Variants in L3MBTL1 observed in about 807,000 individuals in gnomAD.
The protein encoded by L3MBTL1 is L3MBTL histone methyl-lysine binding protein 1, also known as lethal(3)malignant brain tumor-like protein 1.
A neutral mutation model predicts 105.3 loss-of-function variants in L3MBTL1; 75 were observed. The ratio of observed to expected loss-of-function variants is 0.71; its 90% CI spans 0.59 to 0.86. The LOEUF is 0.86. L3MBTL1 is among the 40% of genes least tolerant of loss of function. The pLI, the probability that L3MBTL1 is intolerant of heterozygous loss-of-function variation, is 0.00. For synonymous variants in L3MBTL1, 452 were observed against 436.2 expected (o/e 1.04, Z -0.45); for missense variants, 1,069 against 1,126.4 (o/e 0.95, Z 0.73).
chr20:43,509,552 C>G (rs760201885), intron 1 of L3MBTL1, among the ~76,000 whole-genome samples: 2 of 152,176 alleles, frequency 1.3e-5, no homozygotes. Context: ...TAAATGCCAT[C>G]TACACATGCT....
rs755543410 is a variant in L3MBTL1, at chr20:43,529,356, C to T, written c.1044C>T (p.Leu348=). Residue 348 remains leucine, a synonymous_variant, in exon 9 of 22, where the codon CTC becomes CTT. Coordinates refer to ENST00000418998, the MANE Select transcript of L3MBTL1 (RefSeq NM_001377303.1). ...DPQHPSMYFI[L]TVAEVCGYRL... is the part of the protein sequence containing the mutation. ...AACACCCGTCCATGTACTTCATCCTCACCGTGGCTGAGGTGAGCTGGGGCT... is the reference window on the plus strand; with the variant it reads ...AACACCCGTCCATGTACTTCATCCTTACCGTGGCTGAGGTGAGCTGGGGCT... 5 of 1,611,192 alleles carry T rather than the reference C, an allele frequency of 3.1e-6. No individual in the cohort carries two copies. The East Asian group carries it at 1.1e-4, about 36-fold the overall frequency.
chr20:43,538,034 A>G (rs2019719455), intron 19 of L3MBTL1, among the ~76,000 whole-genome samples: 2 of 152,168 alleles, frequency 1.3e-5, no homozygotes, highest in African/African-American at 4.8e-5. Flanking sequence ...GCTCCCTGCC[A>G]GTATTATTAG....
intron 11 of L3MBTL1, 97 bp downstream of exon 11, chr20:43,530,986 G>A: frequency 1.0e-6 from 1 of 969,870 alleles, no homozygotes; most frequent in South Asian, 1.6e-5. Context: ...GAGCTCATGT[G>A]CTGGTTCTCT....
At position 43,536,084 on chromosome 20, in the gene L3MBTL1, T is replaced by C. The variant is rs377245895; in HGVS notation, c.1926-13T>C. On this transcript the variant is annotated splice_polypyrimidine_tract_variant and intron_variant, in intron 17 of 21. Coordinates refer to ENST00000418998, the MANE Select transcript of L3MBTL1 (RefSeq NM_001377303.1). ...CAGTGGATTAAACCCAACTGAAGTC[T>C]CTTCTTCCCCAGGAAGTGCCCCACT... 6.2e-7 allele frequency: 1 copy of C among 1,612,406 alleles called. No individual in the cohort carries two copies. Among genetic ancestry groups the C allele is most frequent in the Admixed American group, 1.7e-5 (1 of 59,990 alleles).
chr20:43,547,964 C>G, intron 18 of L3MBTL1: 1 of 362,602 alleles, frequency 2.8e-6, no homozygotes, highest in Non-Finnish European at 5.0e-6. Flanking sequence ...TTTCTCTCCC[C>G]TTCTCTCCTC....
At position 43,525,481 on chromosome 20, in the gene L3MBTL1, A is replaced by G. The variant is rs554573342; in HGVS notation, c.863-3176A>G. On this transcript the variant is annotated intron_variant, in intron 7 of 21. Coordinates refer to ENST00000418998, the MANE Select transcript of L3MBTL1 (RefSeq NM_001377303.1). ...AGTAGACTCAGCCACTTGGCTTGGC[A>G]GAAAGCCCAGGATGGATTTTAGCCC... Among the ~76,000 whole-genome samples, 13 of 152,334 alleles carry G rather than the reference A, an allele frequency of 8.5e-5. No individual in the cohort carries two copies. The South Asian group carries it at 2.3e-3, about 27-fold the overall frequency.
At chr20:43,540,564 C>T (rs1176640411) in intron 20 of L3MBTL1, among the ~76,000 whole-genome samples, 189 bp from the exon 21 acceptor site, 3 of 152,150 alleles carry the variant, frequency 2.0e-5, no homozygotes, top group Non-Finnish European at 4.4e-5. Flanking sequence ...AGGCAGGCTT[C>T]GGTCCCAGGC....
chr20:43,543,713 G>C (rs545197909), downstream of L3MBTL1, among the ~76,000 whole-genome samples: 5 of 152,316 alleles, frequency 3.3e-5, no homozygotes, highest in Admixed American at 6.5e-5. Context: ...CACCAGTCAA[G>C]ATGCTCTCCA....
rs539492315 is a variant in L3MBTL1 at position 43,512,342 on chromosome 20, TC to T, written c.-28-1132del. On this transcript the variant is annotated intron_variant, in intron 1 of 21. Coordinates refer to ENST00000418998, the MANE Select transcript of L3MBTL1 (RefSeq NM_001377303.1). ...TTTTAATACGTCTAAAGCTGTGCTG[TC>T]CAATACAATAGTCATAGCTACTGTC... is the stretch of plus-strand genomic sequence containing the variant. Among the ~76,000 whole-genome samples the T allele has an allele frequency of 5.3e-4, 81 of 152,278 alleles. 1 individual carries two copies. The highest frequency in any genetic ancestry group is 1.9e-3 in the African/African-American group (78 of 41,546).
chr20:43,536,281 C>T lies in L3MBTL1; in HGVS notation c.2110C>T (p.Arg704Cys), dbSNP rs1437229119. The change falls in exon 18 of 22, where the codon CGC becomes TGC. Residue 704 changes from arginine (R) to cysteine (C), a missense_variant. By Grantham distance (180) the Arg-to-Cys change is radical. Coordinates refer to ENST00000418998, the MANE Select transcript of L3MBTL1 (RefSeq NM_001377303.1). ...LSGFSPRKKP[R>C]HHGRIGRPPK... ...AGGCTTCTCCCCAAGGAAGAAGCCT[C>T]GCCATCACGGCCGGTATGGAGGCCA... The T allele has an allele frequency of 7.4e-6, 12 of 1,612,500 alleles. No homozygotes were observed. Among genetic ancestry groups the T allele is most frequent in the African/African-American group, 1.3e-5 (1 of 74,906 alleles).
At chr20:43,522,457 GTTTTTT>G (rs1176856356) in intron 7 of L3MBTL1, among the ~76,000 whole-genome samples, 50 of 95,872 alleles carry the variant, frequency 5.2e-4, no homozygotes, top group African/African-American at 9.8e-4. Flanking sequence ...TCCCTGCTAA[GTTTTTT>G]TTTTTTTTTT....
At chr20:43,520,741 TA>T (rs970982785) in intron 7 of L3MBTL1, among the ~76,000 whole-genome samples, 2 of 152,308 alleles carry the variant, frequency 1.3e-5, no homozygotes, top group South Asian at 4.1e-4. Context: ...AAATTGGGTT[TA>T]AAAAACAGAT....
chr20:43,530,700 T>C (rs1023229281), intron 10 of L3MBTL1, 98 bp from the exon 11 acceptor site: 45 of 1,134,158 alleles, frequency 4.0e-5, no homozygotes, highest in Non-Finnish European at 5.7e-5. Context: ...TGGGGGGAGG[T>C]CCTCAGGCAT....
At chr20:43,527,181 A>C (rs1053212200) in intron 7 of L3MBTL1, among the ~76,000 whole-genome samples, 2 of 152,188 alleles carry the variant, frequency 1.3e-5, no homozygotes, top group Non-Finnish European at 2.9e-5. Flanking sequence ...TTATACATAG[A>C]TCTGACTTAA....
At chr20:43,538,178 AC>A (rs919731755) in intron 19 of L3MBTL1, among the ~76,000 whole-genome samples, 11 of 151,978 alleles carry the variant, frequency 7.2e-5, no homozygotes, top group African/African-American at 2.7e-4. Context: ...CAGAGTAAGG[AC>A]TCCTAAGGAT....
At chr20:43,520,950 A>G (rs139654678) in intron 7 of L3MBTL1, among the ~76,000 whole-genome samples, 1 of 152,320 alleles carries the variant, frequency 6.6e-6, no homozygotes, top group East Asian at 1.9e-4. Flanking sequence ...ACATTTTCAA[A>G]AAGGGTCCAT....
Position 43,515,042 on chromosome 20 carries a change from A to G in L3MBTL1, c.536A>G (p.Asn179Ser), listed in dbSNP as rs2018308657. 3 of 1,613,922 alleles carry G rather than the reference A, an allele frequency of 1.9e-6. No homozygotes were observed. Among genetic ancestry groups the G allele is most frequent in the Admixed American group, 3.3e-5 (2 of 59,986 alleles). Residue 179 changes from asparagine (N) to serine (S), a missense_variant, in exon 5 of 22, where the codon AAT becomes AGT. Coordinates refer to ENST00000418998, the MANE Select transcript of L3MBTL1 (RefSeq NM_001377303.1). The stretch of plus-strand genomic sequence containing the variant: ...CCCCAGAATCCTCCAGAAGATCCCA[A>G]TCAGGACCCCCCAGAGGATGATAGC... ...DHPQNPPEDP[N>S]QDPPEDDSTC...
chr20:43,521,266 G>C (rs1184646905), intron 7 of L3MBTL1, among the ~76,000 whole-genome samples: 1 of 152,204 alleles, frequency 6.6e-6, no homozygotes, highest in African/African-American at 2.4e-5. Flanking sequence ...ATTGATTCTT[G>C]AATCTTGGCA....
intron 11 of L3MBTL1, chr20:43,532,502 G>A: frequency 2.6e-6 from 1 of 384,734 alleles, no homozygotes; most frequent in East Asian, 4.1e-5. Context: ...CAGGTTCTTT[G>A]GGCGAACGCA....
Sources: gnomAD v4.1 joint callset for allele counts (sites outside exome capture counted in the v4.1 genomes callset) on GRCh38, gnomAD v4.1.1 for gene constraint, MANE v1.5 for transcripts, NCBI Gene and HGNC (gene_info 2026-07-23, HGNC 2026-07-21) for gene names.